The following BMP5 variants were observed in gnomAD, a reference collection of about 807,000 sequenced individuals.
The protein encoded by BMP5 is bone morphogenetic protein 5.
In BMP5, 23 loss-of-function variants were observed where a neutral mutation model predicts 46.6. That is an observed-to-expected ratio of 0.49 (90% CI 0.35 to 0.70). BMP5 has a LOEUF of 0.70. BMP5 is among the 30% of genes least tolerant of loss of function. The pLI is 0.00. For missense variants in BMP5, 545 were observed against 565.6 expected (o/e 0.96, Z 0.37); for synonymous variants, 204 against 191.9 (o/e 1.06, Z -0.52).
chr6:55,755,278 T>G lies in BMP5; in HGVS notation c.*255A>C. 2.9e-6 allele frequency: 1 copy of G among 343,242 alleles called. No individual in the cohort carries two copies. The highest frequency in any genetic ancestry group is 5.3e-6 in the Non-Finnish European group (1 of 187,952). 21.3% of individuals were successfully genotyped at this position (343,242 alleles called of 1,614,324 possible). ...ATTGAATGGACTCAGCATAACCCAT[T>G]GAAAATTATACTAGATGATCTATTG... On this transcript the variant is annotated 3_prime_UTR_variant, in exon 7 of 7. Coordinates refer to ENST00000370830, the MANE Select transcript of BMP5 (RefSeq NM_021073.4).
At chr6:55,764,063 C>G (rs1049553051) in intron 4 of BMP5, among the ~76,000 whole-genome samples, 2 of 152,038 alleles carry the variant, frequency 1.3e-5, no homozygotes, top group Non-Finnish European at 2.9e-5. Flanking sequence ...GAGGTTCCTC[C>G]CAAAAGTAAA....
At chr6:55,858,305 G>A (rs566423484) in intron 1 of BMP5, among the ~76,000 whole-genome samples, 2 of 151,778 alleles carry the variant, frequency 1.3e-5, no homozygotes, top group South Asian at 2.1e-4. Context: ...GAATGTTGAC[G>A]GTATGTTTTT....
intron 1 of BMP5, among the ~76,000 whole-genome samples, chr6:55,864,037 A>AT (rs1254785492): frequency 6.6e-6 from 1 of 151,658 alleles, no homozygotes; most frequent in Non-Finnish European, 1.5e-5. Flanking sequence ...CATCACACAT[A>AT]TAAAAAAAAA....
In BMP5 at chr6:55,819,661, G is replaced by T; in HGVS notation, c.677C>A (p.Thr226Lys). Reference protein sequence around the residue: ...ISIYQIIKEYTNRDADLFLLD... With the variant: ...ISIYQIIKEYKNRDADLFLLD... ...TTAAATAAAAAGATTATACCTATTTGTGTATTCCTTGATGATTTGATATAT... is the reference window on the plus strand; with the variant it reads ...TTAAATAAAAAGATTATACCTATTTTTGTATTCCTTGATGATTTGATATAT... The change falls in exon 2 of 7, where the codon ACA becomes AAA. Residue 226 changes from threonine to lysine, a missense_variant. By Grantham distance (78) the Thr-to-Lys change is moderately conservative. Transcript: ENST00000370830. 2 of 1,606,206 alleles carry T rather than the reference G, an allele frequency of 1.2e-6. No individual in the cohort carries two copies. Among genetic ancestry groups the T allele is most frequent in the South Asian group, 1.1e-5 (1 of 90,914 alleles).
intron 1 of BMP5, among the ~76,000 whole-genome samples, chr6:55,868,610 A>G (rs1311602124): frequency 6.6e-6 from 1 of 152,028 alleles, no homozygotes; most frequent in Non-Finnish European, 1.5e-5. Context: ...GTACATTTTC[A>G]TAGATTTTGT....
chr6:55,843,645 G>A (rs1192593931), intron 1 of BMP5, among the ~76,000 whole-genome samples: 1 of 151,998 alleles, frequency 6.6e-6, no homozygotes, highest in African/African-American at 2.4e-5. Context: ...TTATGGTGGA[G>A]TAATCTGAGA....
At chr6:55,769,595 T>C (rs1434697151) in intron 4 of BMP5, among the ~76,000 whole-genome samples, 1 of 151,886 alleles carries the variant, frequency 6.6e-6, no homozygotes, top group African/African-American at 2.4e-5. Flanking sequence ...CTTGTTAATG[T>C]TGATATTTCA....
At chr6:55,763,575 T>G (rs1468140389) in intron 4 of BMP5, among the ~76,000 whole-genome samples, 1 of 152,222 alleles carries the variant, frequency 6.6e-6, no homozygotes, top group Non-Finnish European at 1.5e-5. Context: ...AAGTTAGATT[T>G]ATGTCTTTTA....
At chr6:55,822,532 T>C (rs1173141811) in intron 1 of BMP5, among the ~76,000 whole-genome samples, 3 of 152,166 alleles carry the variant, frequency 2.0e-5, no homozygotes, top group Non-Finnish European at 4.4e-5. Flanking sequence ...TTCATAATTC[T>C]AAGTGATAAC....
Position 55,874,395 on chromosome 6 carries a change from G to A in BMP5, c.471C>T (p.Val157=). 6.2e-7 allele frequency: 1 copy of A among 1,613,062 alleles called. No homozygotes were observed. Among genetic ancestry groups the A allele is most frequent in the Non-Finnish European group, 8.5e-7 (1 of 1,179,444 alleles). The change falls in exon 1 of 7, where the codon GTC becomes GTT. Residue 157 remains valine (V), a synonymous_variant. Coordinates refer to ENST00000370830, the MANE Select transcript of BMP5 (RefSeq NM_021073.4). ...DTNFLNDADM[V]MSFVNLVERD... ...ACATACCTAAGTTGACAAAGCTCATGACCATGTCAGCATCATTCAGAAAGT... is the reference window on the plus strand; with the variant it reads ...ACATACCTAAGTTGACAAAGCTCATAACCATGTCAGCATCATTCAGAAAGT...
At chr6:55,774,005 C>G in intron 4 of BMP5, 44 bp downstream of exon 4, 1 of 1,596,770 alleles carries the variant, frequency 6.3e-7, no homozygotes, top group African/African-American at 1.3e-5. Context: ...AGCATACGAC[C>G]CCATAACTCT....
intron 2 of BMP5, among the ~76,000 whole-genome samples, chr6:55,798,667 A>T (rs1327509660): frequency 6.6e-6 from 1 of 152,148 alleles, no homozygotes; most frequent in Non-Finnish European, 1.5e-5. Context: ...ATATTTTGGA[A>T]TATTAAGTTT....
At chr6:55,822,973 T>C (rs936267022) in intron 1 of BMP5, among the ~76,000 whole-genome samples, 12 of 152,098 alleles carry the variant, frequency 7.9e-5, no homozygotes, top group African/African-American at 2.9e-4. Context: ...ATGGGACATA[T>C]TGGAATGAGT....
chr6:55,778,691 G>A (rs1470731037), intron 3 of BMP5, among the ~76,000 whole-genome samples: 1 of 151,840 alleles, frequency 6.6e-6, no homozygotes, highest in Non-Finnish European at 1.5e-5. Flanking sequence ...CAAATATATG[G>A]GTATATTATT....
chr6:55,810,127 C>T (rs1324508740), intron 2 of BMP5, among the ~76,000 whole-genome samples: 6 of 152,062 alleles, frequency 3.9e-5, no homozygotes, highest in Admixed American at 2.6e-4. Context: ...CTTATATGGG[C>T]TAGAATTTGA....
chr6:55,765,517 C>T (rs749658944), intron 4 of BMP5, among the ~76,000 whole-genome samples: 16 of 151,900 alleles, frequency 1.1e-4, no homozygotes, highest in Non-Finnish European at 1.8e-4. Flanking sequence ...AATGAAGGTA[C>T]AAGAGTTGAA....
chr6:55,826,010 A>G (rs1776523361), intron 1 of BMP5, among the ~76,000 whole-genome samples: 1 of 151,950 alleles, frequency 6.6e-6, no homozygotes, highest in Admixed American at 6.6e-5. Context: ...AAGCAATGAT[A>G]TCATGTGACT....
intron 2 of BMP5, among the ~76,000 whole-genome samples, chr6:55,807,148 G>A (rs538493070): frequency 5.5e-4 from 83 of 152,174 alleles, no homozygotes; most frequent in East Asian, 1.4e-3. Context: ...ATCTTGTGTC[G>A]GTTTTTAAAG....
At chr6:55,872,062 T>C (rs1777800525) in intron 1 of BMP5, among the ~76,000 whole-genome samples, 1 of 151,840 alleles carries the variant, frequency 6.6e-6, no homozygotes, top group African/African-American at 2.4e-5. Context: ...TTATTACACT[T>C]TCACCTTTTC....
Sources: allele counts gnomAD v4.1 joint callset (sites outside exome capture counted in the v4.1 genomes callset), GRCh38; gene constraint gnomAD v4.1.1; transcripts MANE v1.5; gene names NCBI Gene and HGNC (gene_info 2026-07-23, HGNC 2026-07-21).